Variants in PDE6A observed in about 807,000 individuals in gnomAD.
PDE6A encodes the protein phosphodiesterase 6A, also known as rod cGMP-specific 3',5'-cyclic phosphodiesterase subunit alpha.
PDE6A carries 84 observed loss-of-function variants against 106.3 expected under a neutral mutation model. That is an observed-to-expected ratio of 0.79 (90% CI 0.66 to 0.95). The LOEUF (loss-of-function observed/expected upper bound fraction) is 0.95, where lower values mean the gene tolerates loss of function less well. Ranked by LOEUF, PDE6A falls within the 40% of genes least tolerant of loss-of-function variation. The probability of loss-of-function intolerance (pLI) is 0.00; values close to 1 mark genes in which losing one functional copy is unlikely to be tolerated. For missense variants in PDE6A, 1,052 were observed against 1,084.9 expected, an observed-to-expected ratio of 0.97 and a Z score of 0.43; for synonymous variants, 394 against 386.6, an observed-to-expected ratio of 1.02 and a Z score of -0.23.
chr5:149,894,874 C>T (rs1752675648), intron 13 of PDE6A, among the ~76,000 whole-genome samples: 1 of 152,058 alleles, frequency 6.6e-6, no homozygotes, highest in Non-Finnish European at 1.5e-5. Context: ...CGTGATCCAC[C>T]CGCCTCGGCA....
chr5:149,895,384 G>A, intron 12 of PDE6A, 94 bp from the exon 13 acceptor site: 2 of 866,380 alleles, frequency 2.3e-6, no homozygotes, highest in East Asian at 2.5e-5. Flanking sequence ...ATGGCCCATG[G>A]CCCTCTCTTT....
intron 1 of PDE6A, among the ~76,000 whole-genome samples, chr5:149,935,204 G>T (rs529085123): frequency 3.9e-5 from 6 of 152,130 alleles, no homozygotes; most frequent in African/African-American, 1.4e-4. Flanking sequence ...CTTACAGAAG[G>T]GGGATCTGTA....
chr5:149,910,799 C>T (rs921031828), intron 6 of PDE6A, among the ~76,000 whole-genome samples: 1 of 150,556 alleles, frequency 6.6e-6, no homozygotes, highest in Non-Finnish European at 1.5e-5. Context: ...TCACCAAACA[C>T]TAAATTGCTA....
rs1188728980 is a variant in PDE6A, at chr5:149,884,473, A to G, written c.2027+6T>C. ...TTTTACTATTAGAATGAGAAGATAT[A>G]CCAACTTGAAATACAGGGCGAGGTC... On this transcript the variant is annotated splice_donor_region_variant and intron_variant, in intron 16 of 21. Coordinates refer to ENST00000255266, the MANE Select transcript of PDE6A (RefSeq NM_000440.3). 2 of 1,588,130 alleles carry G rather than the reference A, an allele frequency of 1.3e-6. No individual in the cohort carries two copies. The highest frequency in any genetic ancestry group is 1.7e-5 in the Admixed American group (1 of 59,932).
intron 6 of PDE6A, among the ~76,000 whole-genome samples, chr5:149,913,248 GGC>G (rs1753440432): frequency 6.6e-6 from 1 of 152,000 alleles, no homozygotes; most frequent in Non-Finnish European, 1.5e-5. Flanking sequence ...TGGGTGTGGT[GGC>G]GTGTGCCTGT....
chr5:149,884,527 T>A lies in PDE6A; in HGVS notation c.1979A>T (p.His660Leu). 6.2e-7 allele frequency: 1 copy of A among 1,613,874 alleles called. No homozygotes were observed. Among genetic ancestry groups the A allele is most frequent in the Non-Finnish European group, 8.5e-7 (1 of 1,179,856 alleles). Residue 660 changes from histidine (H) to leucine (L), a missense_variant, in exon 16 of 22, where the codon CAC becomes CTC. Transcript: ENST00000255266. ...GGCAATGATTGCAATGTCCATCATG[T>A]GGATGGCATGCTCATGCTGTCGACG... is the stretch of plus-strand genomic sequence containing the variant. ...LNRRQHEHAI[H>L]MMDIAIIATD...
chr5:149,920,982 GAAAGAAAGAA>G lies in PDE6A; in HGVS notation c.933+643_933+652del, dbSNP rs774819352. On this transcript the variant is annotated intron_variant, in intron 5 of 21. Coordinates refer to ENST00000255266, the MANE Select transcript of PDE6A (RefSeq NM_000440.3). The stretch of plus-strand genomic sequence containing the variant: ...AGAAAGAAAGAAAGAAAGAAAGAAA[GAAAGAAAGAA>G]AGAAAAAGAAAGAAAATAGAAAACC... Among the ~76,000 whole-genome samples the G allele has an allele frequency of 6.9e-3, 926 of 134,058 alleles. 16 individuals are homozygous for G. The highest frequency in any genetic ancestry group is 0.028 in the African/African-American group (759 of 27,164). The allele number at this position is 134,058 out of a possible 152,430, so 87.9% of individuals were successfully genotyped here.
intron 13 of PDE6A, among the ~76,000 whole-genome samples, chr5:149,886,601 A>T (rs934702543): frequency 1.3e-5 from 2 of 152,188 alleles, no homozygotes; most frequent in Non-Finnish European, 2.9e-5. Context: ...AATGGGAACA[A>T]CTGGTCACCC....
rs753687039 is a variant in PDE6A at position 149,934,020 on chromosome 5, C to A, written c.628-1G>T. The A allele has an allele frequency of 1.9e-6, 3 of 1,590,492 alleles. No homozygotes were observed. The highest frequency in any genetic ancestry group is 1.3e-5 in the African/African-American group (1 of 74,460). On this transcript the variant is annotated splice_acceptor_variant, in intron 2 of 21. Coordinates refer to ENST00000255266, the MANE Select transcript of PDE6A (RefSeq NM_000440.3). LOFTEE classifies it high-confidence loss of function. ...CAAAATTGAGGTACTTGAGAAGAAT[C>A]TAAAAATCAAACAGCATGAGGGGAG...
chr5:149,919,828 G>A (rs1753652163), intron 5 of PDE6A, among the ~76,000 whole-genome samples: 1 of 152,094 alleles, frequency 6.6e-6, no homozygotes, highest in African/African-American at 2.4e-5. Flanking sequence ...AGGCTTTTTA[G>A]CCTGTATAAC....
At chr5:149,865,391 C>T (rs900991345) in intron 20 of PDE6A, among the ~76,000 whole-genome samples, 1 of 143,626 alleles carries the variant, frequency 7.0e-6, no homozygotes, top group Non-Finnish European at 1.5e-5. Flanking sequence ...GCCTGGGTGA[C>T]AGAATGAGAC....
In PDE6A at chr5:149,903,752, T is replaced by C. The variant is rs115072370; in HGVS notation, c.1066-57A>G. The C allele has an allele frequency of 7.2e-3, 9,343 of 1,292,302 alleles. 518 individuals are homozygous for C. The African/African-American group carries it at 0.12, about 16-fold the overall frequency. The allele number at this position is 1,292,302 out of a possible 1,614,324, so 80.1% of individuals were successfully genotyped here. A position where few individuals can be genotyped will look rare whatever the true frequency, so the allele number is the denominator to read the frequency against. On this transcript the variant is annotated intron_variant, in intron 7 of 21. Coordinates refer to ENST00000255266, the MANE Select transcript of PDE6A (RefSeq NM_000440.3). ...TGATTAGGCCTGAGAGGGTGCCCAG[T>C]GAAGCACTGTATACCATTTTCAGAA... is the stretch of plus-strand genomic sequence containing the variant.
chr5:149,875,478 ATACT>A (rs1180778245), intron 17 of PDE6A, among the ~76,000 whole-genome samples: 1 of 150,966 alleles, frequency 6.6e-6, no homozygotes, highest in Non-Finnish European at 1.5e-5. Flanking sequence ...CACATTATAC[ATACT>A]GACTATTTTT....
intron 4 of PDE6A, among the ~76,000 whole-genome samples, chr5:149,927,949 TC>T (rs1414409110): frequency 1.3e-5 from 2 of 151,588 alleles, no homozygotes; most frequent in Non-Finnish European, 1.5e-5. Context: ...CCACACTTTG[TC>T]CCCCTGGAAC....
At chr5:149,902,644 G>A (rs879498833) in intron 8 of PDE6A, among the ~76,000 whole-genome samples, 4 of 152,036 alleles carry the variant, frequency 2.6e-5, no homozygotes, top group Admixed American at 2.0e-4. Flanking sequence ...AACATGGCGA[G>A]ATCCCACCTC....
chr5:149,892,003 C>T (rs1752563645), intron 13 of PDE6A, among the ~76,000 whole-genome samples: 1 of 152,156 alleles, frequency 6.6e-6, no homozygotes, highest in Admixed American at 6.5e-5. Context: ...TATAACACTA[C>T]TTAAAAAGCT....
intron 19 of PDE6A, 179 bp from the exon 20 acceptor site, chr5:149,866,432 C>A: frequency 3.5e-6 from 2 of 569,918 alleles, no homozygotes. Flanking sequence ...GTGTAACCAA[C>A]CAAATCCAGA....
chr5:149,863,434 C>T lies in PDE6A; in HGVS notation c.2359-168G>A, dbSNP rs543725362. ...GGCCTCCGGTCTACACCAGCCCATG[C>T]CTCACCTGCTTAGAAGCCTCCTGTG... On this transcript the variant is annotated intron_variant, in intron 20 of 21. Coordinates refer to ENST00000255266, the MANE Select transcript of PDE6A (RefSeq NM_000440.3). This position sits in a 1 kb window ranked among gnomAD's most constrained non-coding sequence, Gnocchi z 4.7. Among the ~76,000 whole-genome samples the T allele has an allele frequency of 1.3e-5, 2 of 152,320 alleles. No homozygotes were observed. Among genetic ancestry groups the T allele is most frequent in the Admixed American group, 6.5e-5 (1 of 15,300 alleles).
At chr5:149,883,826 T>C (rs888627551) in intron 16 of PDE6A, among the ~76,000 whole-genome samples, 2 of 152,238 alleles carry the variant, frequency 1.3e-5, no homozygotes, top group Non-Finnish European at 2.9e-5. Flanking sequence ...AATGTGTCCA[T>C]AACACACGTG....
Sources: gnomAD v4.1 joint callset for allele counts (sites outside exome capture counted in the v4.1 genomes callset) on GRCh38, gnomAD v4.1.1 for gene constraint, Gnocchi (gnomAD v3.1) non-coding constraint, MANE v1.5 for transcripts, NCBI Gene and HGNC (gene_info 2026-07-23, HGNC 2026-07-21) for gene names.